Variants in KIF26A observed in about 807,000 individuals in gnomAD.
KIF26A encodes kinesin-like protein KIF26A.
A neutral mutation model predicts 126.0 loss-of-function variants in KIF26A; 74 were observed. That is an observed-to-expected ratio of 0.59 (90% CI 0.49 to 0.71). The LOEUF is 0.71. Ranked by LOEUF, KIF26A falls within the 30% of genes least tolerant of loss-of-function variation. The pLI is 0.00. For missense variants in KIF26A, 2,984 were observed against 2,763.3 expected (o/e 1.08, Z -1.79); for synonymous variants, 1,445 against 1,232.7 (o/e 1.17, Z -3.61).
intron 4 of KIF26A, among the ~76,000 whole-genome samples, chr14:104,164,975 G>A (rs747788898): frequency 7.9e-5 from 12 of 151,532 alleles, no homozygotes; most frequent in Admixed American, 1.3e-4. Context: ...CTATGTGTGC[G>A]TCTCTGTGTG....
chr14:104,162,597 G>T (rs1004821390), intron 4 of KIF26A, among the ~76,000 whole-genome samples: 1 of 152,198 alleles, frequency 6.6e-6, no homozygotes, highest in African/African-American at 2.4e-5. Flanking sequence ...GAAGCTTGGG[G>T]GTGTGGGTGC....
In KIF26A at chr14:104,166,988, G is replaced by T. The variant is rs201104654; in HGVS notation, c.1053G>T (p.Ala351=). 30 of 1,582,878 alleles carry T rather than the reference G, an allele frequency of 1.9e-5. No individual in the cohort carries two copies. Among genetic ancestry groups the T allele is most frequent in the Admixed American group, 9.0e-5 (5 of 55,784 alleles). ...TCCTGCAGCTGTGGCCGCCCCCGGC[G>T]CCCCCCTGCCTGCTCAGGGCCGCCT... ...SGVLQLWPPP[A]PPCLLRAASK... Residue 351 remains alanine (A), a synonymous_variant, in exon 5 of 15, where the codon GCG becomes GCT. Coordinates refer to ENST00000423312, the MANE Select transcript of KIF26A (RefSeq NM_015656.2).
intron 7 of KIF26A, 40 bp downstream of exon 7, chr14:104,172,708 C>A: frequency 6.9e-7 from 1 of 1,444,260 alleles, no homozygotes; most frequent in Non-Finnish European, 9.6e-7. Flanking sequence ...TCCTGCTGGC[C>A]ACCCCCTCCC....
Position 104,177,508 on chromosome 14 carries a change from G to A in KIF26A, c.4720G>A (p.Gly1574Arg), listed in dbSNP as rs1399560893. The change falls in exon 12 of 15, where the codon GGA becomes AGA. Residue 1574 changes from glycine to arginine, a missense_variant. Gly to Arg is a moderately radical substitution (Grantham distance 125). Coordinates refer to ENST00000423312, the MANE Select transcript of KIF26A (RefSeq NM_015656.2). Reference protein sequence around the residue: ...HSRVHELSASGAPGRGGSSWG... With the variant: ...HSRVHELSASRAPGRGGSSWG... ...CCGCGTCCATGAGCTGTCAGCCAGT[G>A]GAGCCCCGGGCCGAGGTGGCTCCTC... 1 of 1,534,844 alleles carries A rather than the reference G, an allele frequency of 6.5e-7. No homozygotes were observed. The highest frequency in any genetic ancestry group is 2.4e-5 in the East Asian group (1 of 40,894).
At chr14:104,154,578 C>G (rs1433549214) in intron 3 of KIF26A, among the ~76,000 whole-genome samples, 1 of 152,240 alleles carries the variant, frequency 6.6e-6, no homozygotes, top group Non-Finnish European at 1.5e-5. Context: ...GCCCACGGAG[C>G]CTGGCCCTGT....
chr14:104,158,406 G>A (rs893196683), intron 4 of KIF26A, among the ~76,000 whole-genome samples: 8 of 152,224 alleles, frequency 5.3e-5, no homozygotes, highest in African/African-American at 1.9e-4. Context: ...CTGCCCGGGG[G>A]AGGCGCAGGC....
chr14:104,163,986 C>T (rs965948584), intron 4 of KIF26A, among the ~76,000 whole-genome samples: 2 of 152,106 alleles, frequency 1.3e-5, no homozygotes, highest in African/African-American at 4.8e-5. Flanking sequence ...CTGCAGGCAC[C>T]GCCCACCACT....
At chr14:104,167,403 G>T (rs1248598532) in intron 5 of KIF26A, among the ~76,000 whole-genome samples, 2 of 152,166 alleles carry the variant, frequency 1.3e-5, no homozygotes, top group Non-Finnish European at 2.9e-5. Flanking sequence ...GCCCTGAGGG[G>T]GCTGGGGGCA....
chr14:104,139,320 G>T, intron 2 of KIF26A, 32 bp downstream of exon 2: 2 of 1,409,770 alleles, frequency 1.4e-6, no homozygotes, highest in East Asian at 2.9e-5. Context: ...CGACCCCTCC[G>T]AGCAGGGCCA....
Position 104,173,715 on chromosome 14 carries a change from G to A in KIF26A, c.1877G>A (p.Gly626Asp), listed in dbSNP as rs764683975. The A allele has an allele frequency of 6.2e-7, 1 of 1,610,934 alleles. No homozygotes were observed. Among genetic ancestry groups the A allele is most frequent in the Non-Finnish European group, 8.5e-7 (1 of 1,179,452 alleles). Residue 626 changes from glycine to aspartate, a missense_variant, in exon 10 of 15, where the codon GGC becomes GAC. By Grantham distance (94) the Gly-to-Asp change is moderately conservative (BLOSUM62 -1). Coordinates refer to ENST00000423312, the MANE Select transcript of KIF26A (RefSeq NM_015656.2). ...EKCGRGGMSG[G>D]RSRLHLIDLG... ...TGCCTTGTGGTTCCAGTGTCCGGAGGCCGCAGCCGCCTGCACCTCATCGAC... is the reference window on the plus strand; with the variant it reads ...TGCCTTGTGGTTCCAGTGTCCGGAGACCGCAGCCGCCTGCACCTCATCGAC...
chr14:104,150,309 G>A (rs2037717349), intron 2 of KIF26A, among the ~76,000 whole-genome samples: 1 of 151,098 alleles, frequency 6.6e-6, no homozygotes, highest in Non-Finnish European at 1.5e-5. Flanking sequence ...TTGGCTAATC[G>A]GGACCAGACG....
At position 104,177,051 on chromosome 14, in the gene KIF26A, C is replaced by G; in HGVS notation, c.4263C>G (p.Ala1421=). 1 of 1,585,724 alleles carries G rather than the reference C, an allele frequency of 6.3e-7. No individual in the cohort carries two copies. The change falls in exon 12 of 15, where the codon GCC becomes GCG. Residue 1421 remains alanine (A), a synonymous_variant. Transcript: ENST00000423312. ...SVPRATSSLK[A]RASKVEAAHR... ...CCAGGGCCACGTCCAGCCTGAAGGCCCGGGCCAGCAAGGTAGAAGCAGCAC... is the reference window on the plus strand; with the variant it reads ...CCAGGGCCACGTCCAGCCTGAAGGCGCGGGCCAGCAAGGTAGAAGCAGCAC...
rs143868572 is a variant in KIF26A at position 104,176,948 on chromosome 14, C to T, written c.4160C>T (p.Pro1387Leu). Residue 1387 changes from proline to leucine, a missense_variant, in exon 12 of 15, where the codon CCG becomes CTG. By Grantham distance (98) the Pro-to-Leu change is moderately conservative. Transcript: ENST00000423312. Reference protein sequence around the residue: ...PASAPPHAVNPARVGAAAVLR... With the variant: ...PASAPPHAVNLARVGAAAVLR... The stretch of plus-strand genomic sequence containing the variant: ...TCGGCCCCTCCGCATGCTGTGAACC[C>T]GGCGCGGGTCGGGGCTGCTGCTGTC... The T allele has an allele frequency of 9.6e-4, 1,474 of 1,535,098 alleles. 11 individuals are homozygous for T. In the African/African-American group the frequency reaches 0.018, roughly 19 times the overall value.
At position 104,177,403 on chromosome 14, in the gene KIF26A, C is replaced by T. The variant is rs573920243; in HGVS notation, c.4615C>T (p.Arg1539Trp). 52 of 1,494,372 alleles carry T rather than the reference C, an allele frequency of 3.5e-5. No homozygotes were observed. The highest frequency in any genetic ancestry group is 4.4e-5 in the Admixed American group (2 of 45,390). The allele number at this position is 1,494,372 out of a possible 1,614,324, so 92.6% of individuals were successfully genotyped here. ...TGTGGCCGGTCCCAGAGCAGCCCCACGGGCCGGGCCCAGTGTCGGGGCGAA... is the reference window on the plus strand; with the variant it reads ...TGTGGCCGGTCCCAGAGCAGCCCCATGGGCCGGGCCCAGTGTCGGGGCGAA... Reference protein sequence around the residue: ...GPVAGPRAAPRAGPSVGAKAG... With the variant: ...GPVAGPRAAPWAGPSVGAKAG... The change falls in exon 12 of 15, where the codon CGG (arginine) becomes TGG (tryptophan). Residue 1539 changes from arginine to tryptophan, a missense_variant. Coordinates refer to ENST00000423312, the MANE Select transcript of KIF26A (RefSeq NM_015656.2).
chr14:104,171,940 G>C lies in KIF26A; in HGVS notation c.1326+5G>C. 2 of 1,550,060 alleles carry C rather than the reference G, an allele frequency of 1.3e-6. No individual in the cohort carries two copies. The highest frequency in any genetic ancestry group is 1.7e-6 in the Non-Finnish European group (2 of 1,147,616). On this transcript the variant is annotated splice_donor_5th_base_variant and intron_variant, in intron 6 of 14. Coordinates refer to ENST00000423312, the MANE Select transcript of KIF26A (RefSeq NM_015656.2). ...TTCCCCCAGGACTCCGAGCAGGTAC[G>C]GGCAGGCGGACTGGGCGTCCTCCCG... is the stretch of plus-strand genomic sequence containing the variant.
At chr14:104,166,593 C>T (rs760090619) in intron 4 of KIF26A, among the ~76,000 whole-genome samples, 3 of 152,120 alleles carry the variant, frequency 2.0e-5, no homozygotes, top group Non-Finnish European at 4.4e-5. Context: ...CAGGGAGGGG[C>T]GCTCAGCCTG....
Position 104,180,169 on chromosome 14 carries a change from T to A in KIF26A, c.*379T>A, listed in dbSNP as rs1207871420. The A allele has an allele frequency of 1.2e-5, 2 of 168,066 alleles. No individual in the cohort carries two copies. Among genetic ancestry groups the A allele is most frequent in the South Asian group, 4.3e-4 (2 of 4,644 alleles). The allele number at this position is 168,066 out of a possible 1,614,324, so 10.4% of individuals were successfully genotyped here. On this transcript the variant is annotated 3_prime_UTR_variant, in exon 15 of 15. Transcript: ENST00000423312. ...TGTGTTTGTGTCCACCTTGCCTTCT[T>A]TGCAGCCAAGCAGTTTTTGTGGAGT...
rs958756321 is a variant in KIF26A, at chr14:104,178,782, A to G, written c.5316+27A>G. ...TAGGGCCTTTGGTGGGCTGGGGTCT[A>G]TGACCCCTGGTGGGGAGCCTGCCGC... On this transcript the variant is annotated intron_variant, in intron 13 of 14. Transcript: ENST00000423312. The G allele has an allele frequency of 5.2e-5, 69 of 1,317,004 alleles. 1 individual carries two copies. Among genetic ancestry groups the G allele is most frequent in the South Asian group, 1.9e-4 (14 of 73,236 alleles). The allele number at this position is 1,317,004 out of a possible 1,614,324, so 81.6% of individuals were successfully genotyped here.
chr14:104,163,647 A>G (rs2037852674), intron 4 of KIF26A, among the ~76,000 whole-genome samples: 1 of 151,416 alleles, frequency 6.6e-6, no homozygotes, highest in South Asian at 2.1e-4. Context: ...TGTGTGGCTC[A>G]GCTACCAGAG....
Sources: gnomAD v4.1 joint callset for allele counts (sites outside exome capture counted in the v4.1 genomes callset) on GRCh38, gnomAD v4.1.1 for gene constraint, MANE v1.5 for transcripts, NCBI Gene and HGNC (gene_info 2026-07-23, HGNC 2026-07-21) for gene names.